Variants in ATXN1 observed in about 807,000 individuals in gnomAD.
ATXN1 encodes the protein ataxin-1.
In ATXN1, 8 loss-of-function variants were observed where a neutral mutation model predicts 56.4. The ratio of observed to expected loss-of-function variants is 0.14; its 90% CI spans 0.08 to 0.26. The LOEUF is 0.26. Among genes scored for constraint, ATXN1 ranks in the 10% least tolerant of loss-of-function variants. The pLI, the probability that ATXN1 is intolerant of heterozygous loss-of-function variation, is 1.00. For missense variants in ATXN1, 987 were observed against 1,106.5 expected, an observed-to-expected ratio of 0.89 and a Z score of 1.53; for synonymous variants, 514 against 494.6, an observed-to-expected ratio of 1.04 and a Z score of -0.52.
At chr6:16,459,285 C>A (rs988230913) in intron 6 of ATXN1, among the ~76,000 whole-genome samples, 1 of 152,084 alleles carries the variant, frequency 6.6e-6, no homozygotes. Context: ...TTCGGAAAGG[C>A]AAAAAATGCC....
intron 4 of ATXN1, among the ~76,000 whole-genome samples, chr6:16,523,998 T>G (rs1761343607): frequency 6.6e-6 from 1 of 152,222 alleles, no homozygotes; most frequent in Non-Finnish European, 1.5e-5. Context: ...CAGCTCCTGA[T>G]GTTCTGTGGG....
At chr6:16,578,881 T>C (rs1368883758) in intron 4 of ATXN1, among the ~76,000 whole-genome samples, 2 of 152,210 alleles carry the variant, frequency 1.3e-5, no homozygotes, top group Non-Finnish European at 2.9e-5. Flanking sequence ...GGGGCTGAAG[T>C]CCGCATTGTC....
At chr6:16,603,284 A>T (rs1220077408) in intron 3 of ATXN1, among the ~76,000 whole-genome samples, 1 of 152,134 alleles carries the variant, frequency 6.6e-6, no homozygotes, top group Admixed American at 6.5e-5. Flanking sequence ...TCCTTCCAAG[A>T]GGCTTTAAGC....
chr6:16,544,710 G>A (rs150617543), intron 4 of ATXN1, among the ~76,000 whole-genome samples: 4,130 of 152,234 alleles, frequency 0.027, 78 homozygotes, highest in Non-Finnish European at 0.043. Context: ...GAGCAGCAGC[G>A]ACCATGCAGG....
intron 3 of ATXN1, among the ~76,000 whole-genome samples, chr6:16,626,711 GT>G (rs959175280): frequency 2.1e-4 from 32 of 152,120 alleles, no homozygotes; most frequent in African/African-American, 7.7e-4. Flanking sequence ...CTAACTTCCA[GT>G]TTCTCAGAAT....
rs182868744 is a variant in ATXN1, at chr6:16,731,045, G to A, written c.-615+22188C>T. Among the ~76,000 whole-genome samples, 664 of 152,234 alleles carry A rather than the reference G, an allele frequency of 4.4e-3. 5 individuals carry two copies. Among genetic ancestry groups the A allele is most frequent in the African/African-American group, 0.015 (635 of 41,526 alleles). Reference sequence around the variant, plus strand: ...ATTTCACATTCCTGGACCTATCACAGGTGCCACTGGTTATTAACATATGCA... The same window carrying A: ...ATTTCACATTCCTGGACCTATCACAAGTGCCACTGGTTATTAACATATGCA... On this transcript the variant is annotated intron_variant, in intron 2 of 7. Transcript: ENST00000436367.
intron 4 of ATXN1, among the ~76,000 whole-genome samples, chr6:16,581,179 C>G (rs565750289): frequency 6.7e-6 from 1 of 149,826 alleles, no homozygotes; most frequent in Admixed American, 6.7e-5. Flanking sequence ...GAAAAGACCC[C>G]ATGTTCGAGA....
At chr6:16,711,112 CAG>C (rs1759513090) in intron 2 of ATXN1, among the ~76,000 whole-genome samples, 1 of 152,166 alleles carries the variant, frequency 6.6e-6, no homozygotes, top group South Asian at 2.1e-4. Flanking sequence ...ATCAGTGGAA[CAG>C]AGAGTCTTAA....
At chr6:16,672,679 A>G (rs55985124) in intron 2 of ATXN1, among the ~76,000 whole-genome samples, 2,442 of 152,298 alleles carry the variant, frequency 0.016, 28 homozygotes, top group South Asian at 0.027. Flanking sequence ...GGCTTTGAAG[A>G]TAGGGGAAGG....
chr6:16,422,474 AAAAGTTCACCCTTTCT>A (rs1759056651), intron 6 of ATXN1, among the ~76,000 whole-genome samples: 1 of 152,190 alleles, frequency 6.6e-6, no homozygotes, highest in South Asian at 2.1e-4. Flanking sequence ...CTTTGACTTG[AAAAGTTCACCCTTTCT>A]TGGAGAGAGA....
intron 7 of ATXN1, among the ~76,000 whole-genome samples, chr6:16,313,713 C>A (rs1326854292): frequency 6.6e-6 from 1 of 151,972 alleles, no homozygotes. Flanking sequence ...CCCACCACCA[C>A]CCCTGGCTAA....
chr6:16,331,963 A>C (rs1561855504), intron 6 of ATXN1, among the ~76,000 whole-genome samples: 2 of 152,262 alleles, frequency 1.3e-5, no homozygotes, highest in South Asian at 4.1e-4. Flanking sequence ...ATGATTGCTA[A>C]GACATATTGG....
intron 6 of ATXN1, among the ~76,000 whole-genome samples, chr6:16,392,432 T>C (rs545081863): frequency 1.3e-5 from 2 of 152,326 alleles, no homozygotes; most frequent in South Asian, 2.1e-4. Context: ...GGATCCTGGA[T>C]GCTTGTAATG....
chr6:16,447,635 G>A (rs1759662446), intron 6 of ATXN1, among the ~76,000 whole-genome samples: 1 of 152,134 alleles, frequency 6.6e-6, no homozygotes, highest in Non-Finnish European at 1.5e-5. Flanking sequence ...GGGATTACAG[G>A]TGTGAGCTAC....
chr6:16,578,713 C>T (rs959884265), intron 4 of ATXN1, among the ~76,000 whole-genome samples: 1 of 150,946 alleles, frequency 6.6e-6, no homozygotes, highest in Admixed American at 6.6e-5. Flanking sequence ...TGTGCCAGCA[C>T]AGCCTGATAA....
At chr6:16,747,676 A>G (rs1316680643) in intron 2 of ATXN1, among the ~76,000 whole-genome samples, 2 of 151,598 alleles carry the variant, frequency 1.3e-5, no homozygotes, top group Non-Finnish European at 2.9e-5. Context: ...AAAAAAAAAC[A>G]AAAGTCCTCA....
intron 6 of ATXN1, among the ~76,000 whole-genome samples, chr6:16,390,171 C>T (rs1030708528): frequency 6.6e-6 from 1 of 152,218 alleles, no homozygotes; most frequent in Non-Finnish European, 1.5e-5. Context: ...CCTACTGCTA[C>T]TAGTACTCTA....
At chr6:16,671,500 G>A (rs1401839605) in intron 2 of ATXN1, among the ~76,000 whole-genome samples, 1 of 152,068 alleles carries the variant, frequency 6.6e-6, no homozygotes, top group Non-Finnish European at 1.5e-5. Flanking sequence ...ACTAATCAAT[G>A]TGTTTCTACA....
rs1184378633 is a variant in ATXN1, at chr6:16,410,786, T to C, written c.-161+75186A>G. 6.6e-6 allele frequency among the ~76,000 whole-genome samples: 1 copy of C among 152,194 alleles called. No homozygotes were observed. Among genetic ancestry groups the C allele is most frequent in the Non-Finnish European group, 1.5e-5 (1 of 68,034 alleles). On this transcript the variant is annotated intron_variant, in intron 6 of 7. Coordinates refer to ENST00000436367, the MANE Select transcript of ATXN1 (RefSeq NM_001128164.2). The surrounding 1 kb of genome is among the most constrained non-coding windows in gnomAD (Gnocchi z 4.6). Reference sequence around the variant, plus strand: ...TTTGAAGTTAAGTCTCCTCTTAGTGTAGCAGTACGTATTTTGAATGAGAAC... The same window carrying C: ...TTTGAAGTTAAGTCTCCTCTTAGTGCAGCAGTACGTATTTTGAATGAGAAC...
Sources: gnomAD v4.1 joint callset for allele counts (sites outside exome capture counted in the v4.1 genomes callset) on GRCh38, gnomAD v4.1.1 for gene constraint, Gnocchi (gnomAD v3.1) non-coding constraint, MANE v1.5 for transcripts, NCBI Gene and HGNC (gene_info 2026-07-23, HGNC 2026-07-21) for gene names.